The following TMCO1 variants were observed in gnomAD, a reference collection of about 807,000 sequenced individuals.
TMCO1 encodes transmembrane and coiled-coil domains 1, also known as calcium load-activated calcium channel.
In TMCO1, 29 loss-of-function variants were observed where a neutral mutation model predicts 29.3. The ratio of observed to expected loss-of-function variants is 0.99; its 90% confidence interval spans 0.74 to 1.35. The LOEUF (loss-of-function observed/expected upper bound fraction) is 1.35. Among genes scored for constraint, TMCO1 ranks in the 40% most tolerant of loss-of-function variants. The pLI, the probability that TMCO1 is intolerant of heterozygous loss-of-function variation, is 0.00. For missense variants in TMCO1, 173 were observed against 225.5 expected (o/e 0.77, Z 1.49); for synonymous variants, 80 against 77.1 (o/e 1.04, Z -0.20).
intron 2 of TMCO1, among the ~76,000 whole-genome samples, chr1:165,765,642 G>T (rs1003304327): frequency 1.3e-5 from 2 of 152,212 alleles, no homozygotes; most frequent in African/African-American, 4.8e-5. Context: ...ACAAAGATTT[G>T]AAGAAGGTAA....
At chr1:165,732,614 GTAA>G (rs1651214225) in intron 6 of TMCO1, among the ~76,000 whole-genome samples, 1 of 151,800 alleles carries the variant, frequency 6.6e-6, no homozygotes, top group Admixed American at 6.6e-5. Flanking sequence ...GGATTTGGGG[GTAA>G]TAATTATATG....
At chr1:165,766,568 G>A (rs1459558345) in intron 2 of TMCO1, among the ~76,000 whole-genome samples, 8 of 152,022 alleles carry the variant, frequency 5.3e-5, no homozygotes, top group Non-Finnish European at 4.4e-5. Context: ...CGGGAGGATC[G>A]CTTGAGCCCA....
rs5778471 is a variant in TMCO1, at chr1:165,736,735, C to A, written c.468+6432G>T. ...GACTCCATCTCAAAAAAAAAAAAAA[C>A]AAAAAACAAAAAAAAGAGAACAGGG... On this transcript the variant is annotated intron_variant, in intron 6 of 6. Transcript: ENST00000367881. Among the ~76,000 whole-genome samples the A allele has an allele frequency of 7.6e-3, 1,031 of 136,202 alleles. 16 individuals carry two copies. The highest frequency in any genetic ancestry group is 0.024 in the African/African-American group (893 of 36,558). The allele number at this position is 136,202 out of a possible 152,430, so 89.4% of individuals were successfully genotyped here.
chr1:165,761,262 T>C (rs1355612345), intron 2 of TMCO1, among the ~76,000 whole-genome samples: 2 of 152,058 alleles, frequency 1.3e-5, no homozygotes, highest in Non-Finnish European at 2.9e-5. Flanking sequence ...AGGCCAGGCA[T>C]GGTGGCTCAA....
intron 5 of TMCO1, among the ~76,000 whole-genome samples, chr1:165,745,474 CAA>C (rs570579214): frequency 0.54 from 54,986 of 101,528 alleles, 14,461 homozygotes; most frequent in East Asian, 0.77. Context: ...CTATCTCTAC[CAA>C]AAAAAAAAAA....
At chr1:165,724,740 A>C (rs1292539807), downstream of TMCO1, 3 of 453,378 alleles carry the variant, frequency 6.6e-6, no homozygotes, top group East Asian at 6.9e-5. Flanking sequence ...AAACTGCAAA[A>C]ATTTTTGACA....
downstream of TMCO1, chr1:165,725,020 CTCTCTATATATA>C (rs1422598004): frequency 2.4e-3 from 286 of 119,574 alleles, no homozygotes; most frequent in African/African-American, 0.017. Flanking sequence ...CTCTCTCTCT[CTCTCTATATATA>C]TATATATATA....
chr1:165,726,418 A>C (rs1232526760), downstream of TMCO1: 1 of 615,790 alleles, frequency 1.6e-6, no homozygotes, highest in Non-Finnish European at 3.0e-6. Flanking sequence ...AGGAGATGGG[A>C]TGAGAAGAGA....
intron 4 of TMCO1, among the ~76,000 whole-genome samples, chr1:165,753,472 C>CAA (rs35980344): frequency 0.017 from 783 of 47,272 alleles, 37 homozygotes; most frequent in African/African-American, 0.019. Context: ...GACTCTGTCT[C>CAA]AAAAAAAAAA....
At chr1:165,728,177 G>T in intron 6 of TMCO1, 56 bp from the exon 7 acceptor site, 2 of 1,376,724 alleles carry the variant, frequency 1.5e-6, no homozygotes, top group East Asian at 2.6e-5. Flanking sequence ...CAGAAGATGT[G>T]TTTTATGTAG....
At position 165,743,304 on chromosome 1, in the gene TMCO1, C is replaced by T; in HGVS notation, c.331G>A (p.Gly111Ser). The T allele has an allele frequency of 6.3e-7, 1 of 1,596,954 alleles. No individual in the cohort carries two copies. Among genetic ancestry groups the T allele is most frequent in the Non-Finnish European group, 8.5e-7 (1 of 1,170,724 alleles). Reference protein sequence around the residue: ...LMGMFNSIFDGRVVAKLPFTP... With the variant: ...LMGMFNSIFDSRVVAKLPFTP... ...AAAGGAAGCTTTGCCACCACTCTAC[C>T]ATCAAATCTAAAAGAAAAAAAAAAA... Residue 111 changes from glycine to serine, a missense_variant, in exon 6 of 7, where the codon GGT (glycine) becomes AGT (serine). Gly to Ser is a moderately conservative substitution (Grantham distance 56). Transcript: ENST00000367881.
chr1:165,732,499 CTCTCTCTA>C (rs1158171421), intron 6 of TMCO1, among the ~76,000 whole-genome samples: 28 of 141,226 alleles, frequency 2.0e-4, no homozygotes, highest in South Asian at 2.3e-4. Context: ...CTCTCTCTCT[CTCTCTCTA>C]TATATATATA....
At chr1:165,728,217 TAG>T (rs1650984170) in intron 6 of TMCO1, 96 bp from the exon 7 acceptor site, 1 of 913,602 alleles carries the variant, frequency 1.1e-6, no homozygotes, top group African/African-American at 1.7e-5. Flanking sequence ...CATACTCATA[TAG>T]ATTAAAGGAA....
At chr1:165,760,102 G>A (rs930342377) in intron 2 of TMCO1, among the ~76,000 whole-genome samples, 1 of 152,012 alleles carries the variant, frequency 6.6e-6, no homozygotes, top group African/African-American at 2.4e-5. Flanking sequence ...ATAGTTATAC[G>A]CACACTGCAG....
At chr1:165,728,288 G>A (rs982286766) in intron 6 of TMCO1, among the ~76,000 whole-genome samples, 167 bp from the exon 7 acceptor site, 9 of 149,288 alleles carry the variant, frequency 6.0e-5, no homozygotes, top group Non-Finnish European at 8.9e-5. Flanking sequence ...ATGGAGTCTC[G>A]CTCTGTCACC....
intron 6 of TMCO1, among the ~76,000 whole-genome samples, chr1:165,731,873 G>A (rs997514275): frequency 6.6e-6 from 1 of 152,220 alleles, no homozygotes; most frequent in East Asian, 1.9e-4. Context: ...ACCCGTTTTG[G>A]GAACACTAAA....
At chr1:165,751,572 T>C (rs2101806108) in intron 5 of TMCO1, among the ~76,000 whole-genome samples, 1 of 151,670 alleles carries the variant, frequency 6.6e-6, no homozygotes, top group Admixed American at 6.6e-5. Flanking sequence ...GGCATGGTGG[T>C]GCATGCCTGT....
chr1:165,758,679 T>C (rs1051453443), intron 3 of TMCO1, among the ~76,000 whole-genome samples: 2 of 152,212 alleles, frequency 1.3e-5, no homozygotes, highest in African/African-American at 2.4e-5. Flanking sequence ...CTCATAAAAA[T>C]AGAATCTTTT....
intron 6 of TMCO1, among the ~76,000 whole-genome samples, chr1:165,732,709 G>T (rs1651218118): frequency 6.6e-6 from 1 of 151,852 alleles, no homozygotes; most frequent in Non-Finnish European, 1.5e-5. Flanking sequence ...CATATGTGGG[G>T]GCAAGGCATA....
Sources: allele counts gnomAD v4.1 joint callset (sites outside exome capture counted in the v4.1 genomes callset), GRCh38; gene constraint gnomAD v4.1.1; transcripts MANE v1.5; gene names NCBI Gene and HGNC (gene_info 2026-07-23, HGNC 2026-07-21).